MTUS2: variants seen among roughly 807,000 people sequenced by gnomAD.
The protein encoded by MTUS2 is microtubule-associated tumor suppressor candidate 2.
A neutral mutation model predicts 114.1 loss-of-function variants in MTUS2; 40 were observed. The ratio of observed to expected loss-of-function variants is 0.35; its 90% CI spans 0.27 to 0.46. The LOEUF (loss-of-function observed/expected upper bound fraction) is 0.46, where lower values mean the gene tolerates loss of function less well. MTUS2 is among the 20% of genes least tolerant of loss of function. The pLI, the probability that MTUS2 is intolerant of heterozygous loss-of-function variation, is 1.00. For missense variants in MTUS2, 1,679 were observed against 1,705.4 expected (o/e 0.98, Z 0.27); for synonymous variants, 688 against 672.0 (o/e 1.02, Z -0.37).
chr13:29,053,406 G>A (rs952259651), intron 4 of MTUS2, among the ~76,000 whole-genome samples: 5 of 152,162 alleles, frequency 3.3e-5, no homozygotes, highest in Non-Finnish European at 7.4e-5. Context: ...ACAGAGCATT[G>A]CCATTTAGGT....
chr13:28,885,911 A>T (rs1257144032), intron 2 of MTUS2, among the ~76,000 whole-genome samples: 3 of 152,194 alleles, frequency 2.0e-5, no homozygotes, highest in African/African-American at 7.2e-5. Context: ...TGTAGGATGT[A>T]GTGCAGTGGG....
chr13:29,102,320 A>G (rs916432164), intron 5 of MTUS2, among the ~76,000 whole-genome samples: 4 of 152,176 alleles, frequency 2.6e-5, no homozygotes, highest in Non-Finnish European at 1.5e-5. Context: ...AAAACTTATC[A>G]TATGATATAT....
intron 8 of MTUS2, among the ~76,000 whole-genome samples, chr13:29,406,806 TATC>T (rs71192608): frequency 0.2 from 30,885 of 152,204 alleles, 3,300 homozygotes; most frequent in Middle Eastern, 0.26. Flanking sequence ...TCTATATAAA[TATC>T]ATGCTGTAAG....
chr13:29,505,218 T>C lies in MTUS2; in HGVS notation c.*2012T>C, dbSNP rs1883153512. 4.3e-6 allele frequency: 1 copy of C among 231,906 alleles called. No individual in the cohort carries two copies. The highest frequency in any genetic ancestry group is 5.6e-5 in the Admixed American group (1 of 17,716). 14.4% of individuals were successfully genotyped at this position (231,906 alleles called of 1,614,324 possible). Reference sequence around the variant, plus strand: ...TGCAAACACAAATTCAGTTACAGCTTAGCTGTCCGAATTAGGAACCGCTTA... The same window carrying C: ...TGCAAACACAAATTCAGTTACAGCTCAGCTGTCCGAATTAGGAACCGCTTA... On this transcript the variant is annotated 3_prime_UTR_variant, in exon 16 of 16. Coordinates refer to ENST00000612955, the MANE Select transcript of MTUS2 (RefSeq NM_001033602.4).
intron 7 of MTUS2, among the ~76,000 whole-genome samples, chr13:29,343,342 G>T (rs1266128066): frequency 6.6e-6 from 1 of 151,898 alleles, no homozygotes; most frequent in Non-Finnish European, 1.5e-5. Context: ...GCTTATTACT[G>T]GTCTGTTTGG....
chr13:28,922,186 C>T (rs1032855057), intron 2 of MTUS2, among the ~76,000 whole-genome samples: 1 of 152,168 alleles, frequency 6.6e-6, no homozygotes, highest in Non-Finnish European at 1.5e-5. Flanking sequence ...CTTGCTTCCC[C>T]TTCACGCTTC....
chr13:29,202,322 A>T (rs1451839240), intron 5 of MTUS2, among the ~76,000 whole-genome samples: 1 of 152,038 alleles, frequency 6.6e-6, no homozygotes, highest in Non-Finnish European at 1.5e-5. Context: ...TGTATGTTTC[A>T]TGAAGTTCAT....
At chr13:29,214,542 T>G (rs749624475) in intron 5 of MTUS2, among the ~76,000 whole-genome samples, 1 of 152,238 alleles carries the variant, frequency 6.6e-6, no homozygotes, top group Admixed American at 6.5e-5. Context: ...GAGCATCTTA[T>G]AAGGCAGGCC....
chr13:28,902,976 C>A (rs3011026), intron 2 of MTUS2, among the ~76,000 whole-genome samples: 3 of 151,906 alleles, frequency 2.0e-5, no homozygotes, highest in African/African-American at 4.8e-5. Context: ...AGGTTTTTAC[C>A]TGATGAATTA....
chr13:29,026,978 G>A, intron 3 of MTUS2, 75 bp downstream of exon 3: 1 of 1,415,038 alleles, frequency 7.1e-7, no homozygotes, highest in Non-Finnish European at 9.4e-7. Context: ...AATGAGTTAT[G>A]AAAGTAAAAT....
At chr13:28,848,379 G>A (rs1273416942) in intron 2 of MTUS2, among the ~76,000 whole-genome samples, 2 of 152,142 alleles carry the variant, frequency 1.3e-5, no homozygotes, top group Non-Finnish European at 2.9e-5. Flanking sequence ...GCCAATATTG[G>A]TTTGATTGTG....
chr13:29,216,192 C>T (rs1234396507), intron 5 of MTUS2, among the ~76,000 whole-genome samples: 1 of 152,258 alleles, frequency 6.6e-6, no homozygotes, highest in Non-Finnish European at 1.5e-5. Flanking sequence ...GGGAAACTGC[C>T]TACTCAGGTT....
chr13:28,840,795 A>G (rs185899863), intron 2 of MTUS2, among the ~76,000 whole-genome samples: 1 of 152,352 alleles, frequency 6.6e-6, no homozygotes, highest in East Asian at 1.9e-4. Flanking sequence ...CAAGAGTTTG[A>G]GGTTTGGCTT....
chr13:28,915,877 A>G (rs925245908), intron 2 of MTUS2, among the ~76,000 whole-genome samples: 3 of 151,904 alleles, frequency 2.0e-5, no homozygotes, highest in African/African-American at 7.2e-5. Context: ...GCCCAGGCCA[A>G]TGTCCTGGAG....
intron 4 of MTUS2, among the ~76,000 whole-genome samples, chr13:29,046,977 A>G (rs1706396578): frequency 6.6e-6 from 1 of 152,234 alleles, no homozygotes; most frequent in African/African-American, 2.4e-5. Context: ...GAAAGGGTAC[A>G]GAGGCAGGAC....
intron 5 of MTUS2, among the ~76,000 whole-genome samples, chr13:29,102,381 T>C (rs1446706552): frequency 6.6e-6 from 1 of 152,142 alleles, no homozygotes; most frequent in Non-Finnish European, 1.5e-5. Context: ...AAAATTAACC[T>C]CAAGGCAAGA....
intron 2 of MTUS2, among the ~76,000 whole-genome samples, chr13:28,924,159 AG>A (rs966438314): frequency 1.3e-5 from 2 of 151,794 alleles, no homozygotes; most frequent in South Asian, 4.2e-4. Context: ...TGCTTTTGGG[AG>A]GGGGGTCCTA....
At chr13:29,078,893 G>T (rs1381182767) in intron 4 of MTUS2, among the ~76,000 whole-genome samples, 2 of 152,122 alleles carry the variant, frequency 1.3e-5, no homozygotes, top group Non-Finnish European at 2.9e-5. Context: ...TCAAATTTAT[G>T]TGCAAGTTTT....
intron 5 of MTUS2, among the ~76,000 whole-genome samples, chr13:29,177,902 C>A (rs1304836634): frequency 6.6e-6 from 1 of 152,174 alleles, no homozygotes; most frequent in African/African-American, 2.4e-5. Flanking sequence ...CAGGATCCCT[C>A]AGATTCCCTG....
Sources: allele counts gnomAD v4.1 joint callset (sites outside exome capture counted in the v4.1 genomes callset), GRCh38; gene constraint gnomAD v4.1.1; transcripts MANE v1.5; gene names NCBI Gene and HGNC (gene_info 2026-07-23, HGNC 2026-07-21).